DMD: variants seen among roughly 807,000 people sequenced by gnomAD.
DMD encodes dystrophin.
A neutral mutation model predicts 330.1 loss-of-function variants in DMD; 63 were observed. The ratio of observed to expected loss-of-function variants is 0.19; its 90% CI spans 0.16 to 0.24. The LOEUF (loss-of-function observed/expected upper bound fraction) is 0.24. DMD is among the 10% of genes least tolerant of loss of function. DMD has a pLI of 1.00. For missense variants in DMD, 3,344 were observed against 2,684.1 expected (o/e 1.25, Z -5.43); for synonymous variants, 1,223 against 959.8 (o/e 1.27, Z -5.07).
intron 42 of DMD, 61 bp from the exon 43 acceptor site, chrX:32,287,762 A>AATATAT (rs3842480): frequency 4.3e-6 from 3 of 699,153 alleles, no homozygotes; most frequent in South Asian, 3.0e-5. Flanking sequence ...GAAAGAGAAA[A>AATATAT]ATATATATAT....
chrX:33,059,386 T>TTCTCTC (rs113185861), intron 1 of DMD, among the ~76,000 whole-genome samples: 1 of 106,168 alleles, frequency 9.4e-6, no homozygotes. Flanking sequence ...CTCACTTTCT[T>TTCTCTC]TCTCTCTCTC....
intron 44 of DMD, among the ~76,000 whole-genome samples, chrX:31,977,837 T>TA (rs1300666363): frequency 1.9e-5 from 2 of 107,560 alleles, no homozygotes; most frequent in Non-Finnish European, 3.9e-5. Flanking sequence ...CTCCCCATTA[T>TA]CAGTACATTG....
chrX:31,703,742 G>A (rs2083981304), intron 52 of DMD, among the ~76,000 whole-genome samples: 1 of 111,517 alleles, frequency 9.0e-6, no homozygotes, highest in South Asian at 3.7e-4. Context: ...TTTGTATTAA[G>A]GGGAAGATGA....
At chrX:33,332,606 G>T (rs907005717) in intron 1 of DMD, among the ~76,000 whole-genome samples, 2 of 110,948 alleles carry the variant, frequency 1.8e-5, no homozygotes, top group African/African-American at 6.5e-5. Context: ...ATGACACCTT[G>T]AACATATACT....
intron 52 of DMD, among the ~76,000 whole-genome samples, chrX:31,715,987 C>T (rs1010135562): frequency 1.1e-4 from 12 of 111,813 alleles, no homozygotes; most frequent in Middle Eastern, 4.6e-3. Flanking sequence ...ATGGCATTCC[C>T]GTTATTTTCA....
rs1461829130 is a variant in DMD, at chrX:32,606,780, C to A, written c.1482+7523G>T. ...ACATATATATACACACATATATACACACACACCACAGAACACTACACAGCC... is the reference window on the plus strand; with the variant it reads ...ACATATATATACACACATATATACAAACACACCACAGAACACTACACAGCC... On this transcript the variant is annotated intron_variant, in intron 12 of 78. Coordinates refer to ENST00000357033, the MANE Select transcript of DMD (RefSeq NM_004006.3). Among the ~76,000 whole-genome samples, 4 of 88,698 alleles carry A rather than the reference C, an allele frequency of 4.5e-5. No individual in the cohort carries two copies. In the South Asian group the frequency reaches 2.4e-3, roughly 52 times the overall value. 77.0% of individuals were successfully genotyped at this position (88,698 alleles called of 115,157 possible). A position where few individuals can be genotyped will look rare whatever the true frequency, so the allele number is the denominator to read the frequency against.
chrX:32,092,753 T>A (rs1488556298), intron 44 of DMD, among the ~76,000 whole-genome samples: 2 of 78,574 alleles, frequency 2.5e-5, no homozygotes, highest in Non-Finnish European at 5.0e-5. Flanking sequence ...TTTTTTTTTT[T>A]TTTTATAGAA....
intron 1 of DMD, among the ~76,000 whole-genome samples, chrX:33,168,985 C>T (rs1391501403): frequency 1.3e-5 from 1 of 77,439 alleles, no homozygotes; most frequent in African/African-American, 4.0e-5. Context: ...TGTCAACTCT[C>T]TAGAAGATAG....
At chrX:32,915,370 C>A (rs2087699725) in intron 2 of DMD, among the ~76,000 whole-genome samples, 1 of 111,569 alleles carries the variant, frequency 9.0e-6, no homozygotes, top group Admixed American at 9.6e-5. Context: ...ATAATTTATC[C>A]TGATTTCTGA....
At chrX:32,924,378 A>G (rs1173862481) in intron 2 of DMD, among the ~76,000 whole-genome samples, 3 of 110,531 alleles carry the variant, frequency 2.7e-5, no homozygotes, top group African/African-American at 9.9e-5. Flanking sequence ...AAATAAAAAG[A>G]AAATTAGCAG....
rs746859521 is a variant in DMD at position 32,573,558 on chromosome X, T to C, written c.1784A>G (p.Glu595Gly). 8.3e-7 allele frequency: 1 copy of C among 1,211,633 alleles called. No homozygotes were observed. Among genetic ancestry groups the C allele is most frequent in the South Asian group, 1.8e-5 (1 of 57,015 alleles). ...CAGTTTTTGAAGACTTGATAACATT[T>C]CATTTTGATCTTTAAAGCCAGTTGT... The part of the protein sequence containing the change: ...IHTTGFKDQN[E>G]MLSSLQKLAV... Residue 595 changes from glutamate (E) to glycine (G), a missense_variant, in exon 15 of 79, where the codon GAA (glutamate) becomes GGA (glycine). Transcript: ENST00000357033.
chrX:31,797,965 T>TA (rs1199114392), intron 50 of DMD, among the ~76,000 whole-genome samples: 3 of 112,109 alleles, frequency 2.7e-5, no homozygotes, highest in Non-Finnish European at 5.6e-5. Context: ...AAAAAAGACT[T>TA]AAAGTGAATT....
intron 76 of DMD, among the ~76,000 whole-genome samples, chrX:31,142,212 C>T (rs1309442516): frequency 9.0e-6 from 1 of 111,353 alleles, no homozygotes; most frequent in Non-Finnish European, 1.9e-5. Flanking sequence ...TCTTTTTGAG[C>T]ATGATAATTG....
At chrX:31,636,441 CCA>C (rs2079424465) in intron 54 of DMD, among the ~76,000 whole-genome samples, 1 of 111,745 alleles carries the variant, frequency 8.9e-6, no homozygotes, top group South Asian at 3.7e-4. Flanking sequence ...TTGACAGGAT[CCA>C]CAGATAGCAC....
At chrX:31,431,418 A>G (rs938154229) in intron 60 of DMD, among the ~76,000 whole-genome samples, 1 of 111,439 alleles carries the variant, frequency 9.0e-6, no homozygotes, top group Non-Finnish European at 1.9e-5. Context: ...TTATTTTGAG[A>G]CGGAGTTTCG....
intron 1 of DMD, among the ~76,000 whole-genome samples, chrX:33,322,104 G>C (rs2054024289): frequency 9.0e-6 from 1 of 111,582 alleles, no homozygotes; most frequent in Non-Finnish European, 1.9e-5. Context: ...TCATTCATGT[G>C]TGCATGGGGG....
At chrX:31,131,370 T>C (rs1017323169) in intron 77 of DMD, among the ~76,000 whole-genome samples, 2 of 111,899 alleles carry the variant, frequency 1.8e-5, no homozygotes, top group African/African-American at 3.2e-5. Context: ...GATGAAACTT[T>C]TGTTTCTGAT....
chrX:31,724,782 T>A (rs977296522), intron 52 of DMD, among the ~76,000 whole-genome samples: 1 of 111,943 alleles, frequency 8.9e-6, no homozygotes, highest in African/African-American at 3.2e-5. Context: ...TATTTTACTT[T>A]CTTAATCACC....
At chrX:31,666,009 C>T (rs902653571) in intron 53 of DMD, among the ~76,000 whole-genome samples, 3 of 111,374 alleles carry the variant, frequency 2.7e-5, no homozygotes, top group African/African-American at 9.8e-5. Context: ...TATTAAAAGG[C>T]TTAAGCAATA....
Sources: gnomAD v4.1 joint callset for allele counts (sites outside exome capture counted in the v4.1 genomes callset) on GRCh38, gnomAD v4.1.1 for gene constraint, MANE v1.5 for transcripts, NCBI Gene and HGNC (gene_info 2026-07-23, HGNC 2026-07-21) for gene names.